The following KAZN variants were observed in gnomAD, a reference collection of about 807,000 sequenced individuals.
KAZN encodes kazrin, periplakin interacting protein, also known as kazrin.
Under a neutral mutation model 87.4 loss-of-function variants are expected in KAZN, and 40 were observed. That is an observed-to-expected ratio of 0.46 (90% CI 0.36 to 0.60). The LOEUF (loss-of-function observed/expected upper bound fraction) is 0.60. Ranked by LOEUF, KAZN falls within the 20% of genes least tolerant of loss-of-function variation. KAZN has a pLI of 0.00. For missense variants in KAZN, 898 were observed against 1,073.9 expected, an observed-to-expected ratio of 0.84 and a Z score of 2.29; for synonymous variants, 466 against 458.3, an observed-to-expected ratio of 1.02 and a Z score of -0.22.
intron 1 of KAZN, among the ~76,000 whole-genome samples, chr1:14,007,817 C>G (rs150425475): frequency 2.0e-5 from 3 of 152,088 alleles, no homozygotes; most frequent in Admixed American, 6.5e-5. Context: ...CAGACGCTGT[C>G]CGATAATGAT....
At chr1:13,987,506 G>A (rs936613983) in intron 1 of KAZN, among the ~76,000 whole-genome samples, 10 of 152,234 alleles carry the variant, frequency 6.6e-5, no homozygotes, top group Admixed American at 5.2e-4. Context: ...TCAATTTCAT[G>A]CTGCTATAAC....
At chr1:14,898,907 C>T (rs2807553) in intron 1 of KAZN, among the ~76,000 whole-genome samples, 149,007 of 152,296 alleles carry the variant, frequency 0.98, 72,954 homozygotes, top group Non-Finnish European at 1. Flanking sequence ...GCCAGCACCC[C>T]GATTACCTCT....
intron 1 of KAZN, among the ~76,000 whole-genome samples, chr1:13,920,884 A>G (rs1346090974): frequency 6.6e-6 from 1 of 152,178 alleles, no homozygotes; most frequent in Non-Finnish European, 1.5e-5. Context: ...GTTTTCAATC[A>G]AGGGGAACTT....
Position 14,150,634 on chromosome 1 carries a change from A to G in KAZN, c.92-29801A>G, listed in dbSNP as rs1473044853. ...CTAGGCCTGGGAAAAGATGGTATCA[A>G]CTAGGAGCCATGCATGAACCCATTG... On this transcript the variant is annotated intron_variant, in intron 1 of 16. Transcript: ENST00000636203. Among the ~76,000 whole-genome samples, 6 of 152,208 alleles carry G rather than the reference A, an allele frequency of 3.9e-5. 1 individual carries two copies. The highest frequency in any genetic ancestry group is 1.4e-4 in the African/African-American group (6 of 41,446).
chr1:14,439,658 A>G (rs1373850856), intron 2 of KAZN, among the ~76,000 whole-genome samples: 2 of 152,194 alleles, frequency 1.3e-5, no homozygotes, highest in African/African-American at 4.8e-5. Context: ...TACATTTGCA[A>G]TTTTGTTTCA....
intron 1 of KAZN, among the ~76,000 whole-genome samples, chr1:14,133,600 C>T (rs1438756831): frequency 6.6e-6 from 1 of 152,046 alleles, no homozygotes; most frequent in Non-Finnish European, 1.5e-5. Flanking sequence ...GAAGCAGCCC[C>T]ACTTCTGTGC....
At chr1:14,593,386 T>C (rs1676315656) in intron 2 of KAZN, among the ~76,000 whole-genome samples, 1 of 152,150 alleles carries the variant, frequency 6.6e-6, no homozygotes, top group South Asian at 2.1e-4. Context: ...AACCCTGCCT[T>C]CCTGAGGCTC....
At chr1:15,022,619 T>C (rs928796593) in intron 2 of KAZN, among the ~76,000 whole-genome samples, 1 of 152,130 alleles carries the variant, frequency 6.6e-6, no homozygotes, top group Non-Finnish European at 1.5e-5. Context: ...CCCACAGACA[T>C]GGCTGGACTT....
intron 1 of KAZN, among the ~76,000 whole-genome samples, chr1:14,724,654 C>T (rs1557426681): frequency 6.6e-6 from 1 of 152,222 alleles, no homozygotes; most frequent in Non-Finnish European, 1.5e-5. Context: ...CTTGGTGTTC[C>T]CATTTTTCTC....
At chr1:14,765,215 AGTAT>A (rs1216736086) in intron 1 of KAZN, among the ~76,000 whole-genome samples, 2 of 152,222 alleles carry the variant, frequency 1.3e-5, no homozygotes, top group African/African-American at 4.8e-5. Flanking sequence ...TTCTCCCCAT[AGTAT>A]GACAACCAAA....
chr1:14,956,299 GAAAA>G (rs35057453), intron 1 of KAZN, among the ~76,000 whole-genome samples: 1 of 99,592 alleles, frequency 1.0e-5, no homozygotes, highest in Admixed American at 1.1e-4. Flanking sequence ...AGAAGTCACT[GAAAA>G]AAAAAAAAAA....
At chr1:14,882,161 C>G (rs1653407947) in intron 1 of KAZN, among the ~76,000 whole-genome samples, 2 of 152,154 alleles carry the variant, frequency 1.3e-5, no homozygotes, top group African/African-American at 4.8e-5. Context: ...CTCGCCTTGC[C>G]CTACAGTTTT....
intron 2 of KAZN, among the ~76,000 whole-genome samples, chr1:14,281,291 G>A (rs1652822419): frequency 6.6e-6 from 1 of 152,164 alleles, no homozygotes; most frequent in South Asian, 2.1e-4. Context: ...GAGGGGCAAA[G>A]GCAATTGAGG....
chr1:15,025,142 C>T (rs1253677818), intron 2 of KAZN, among the ~76,000 whole-genome samples: 1 of 137,610 alleles, frequency 7.3e-6, no homozygotes, highest in Non-Finnish European at 1.6e-5. Context: ...CAGGACAGAC[C>T]AGGTCCCTGC....
At chr1:14,474,222 C>T (rs927699288) in intron 2 of KAZN, among the ~76,000 whole-genome samples, 2 of 151,986 alleles carry the variant, frequency 1.3e-5, no homozygotes, top group Admixed American at 6.6e-5. Flanking sequence ...ATGCAAATAC[C>T]TACACATAAG....
At chr1:15,054,106 C>T (rs1674689238) in intron 4 of KAZN, among the ~76,000 whole-genome samples, 1 of 152,012 alleles carries the variant, frequency 6.6e-6, no homozygotes, top group Admixed American at 6.6e-5. Context: ...CTTGGTGGGA[C>T]CCTTTCTCAA....
At chr1:15,029,759 G>C (rs1671501570) in intron 2 of KAZN, among the ~76,000 whole-genome samples, 1 of 152,244 alleles carries the variant, frequency 6.6e-6, no homozygotes, top group African/African-American at 2.4e-5. Context: ...GCCTAGGCGG[G>C]CAGGGGTCAT....
chr1:15,094,517 A>C lies in KAZN; in HGVS notation c.1428+132A>C, dbSNP rs572228236. Reference sequence around the variant, plus strand: ...TGCAATCTAGGAGCTAGCCAATGCAATCAGCCTCTGATGTACCTGCTCATT... The same window carrying C: ...TGCAATCTAGGAGCTAGCCAATGCACTCAGCCTCTGATGTACCTGCTCATT... On this transcript the variant is annotated intron_variant, in intron 9 of 14. Transcript: ENST00000376030. This position sits in a 1 kb window ranked among gnomAD's most constrained non-coding sequence, Gnocchi z 4.5. The C allele has an allele frequency of 2.2e-4, 187 of 836,038 alleles. No homozygotes were observed. In the African/African-American group the frequency reaches 3.0e-3, roughly 13 times the overall value. The allele number at this position is 836,038 out of a possible 1,614,324, so 51.8% of individuals were successfully genotyped here. A position where few individuals can be genotyped will look rare whatever the true frequency, so the allele number is the denominator to read the frequency against.
intron 1 of KAZN, among the ~76,000 whole-genome samples, chr1:14,754,354 C>T (rs559326545): frequency 7.9e-5 from 12 of 152,292 alleles, no homozygotes; most frequent in African/African-American, 2.2e-4. Context: ...ATCCATGGGC[C>T]GGATGTGGTG....
Sources: gnomAD v4.1 joint callset for allele counts (sites outside exome capture counted in the v4.1 genomes callset) on GRCh38, gnomAD v4.1.1 for gene constraint, Gnocchi (gnomAD v3.1) non-coding constraint, MANE v1.5 for transcripts, NCBI Gene and HGNC (gene_info 2026-07-23, HGNC 2026-07-21) for gene names.